Variants in WRN observed in about 807,000 individuals in gnomAD.
WRN encodes the protein bifunctional 3'-5' exonuclease/ATP-dependent helicase WRN.
WRN carries 149 observed loss-of-function variants against 180.7 expected under a neutral mutation model. The observed-to-expected ratio is 0.82, with a 90% CI of 0.72 to 0.94. WRN has a LOEUF of 0.94. WRN is among the 40% of genes least tolerant of loss of function. The pLI is 0.00. For synonymous variants in WRN, 548 were observed against 568.9 expected (o/e 0.96, Z 0.52); for missense variants, 1,661 against 1,700.1 (o/e 0.98, Z 0.40).
At chr8:31,157,560 T>G in intron 33 of WRN, 30 bp downstream of exon 33, 2 of 1,613,312 alleles carry the variant, frequency 1.2e-6, no homozygotes, top group Non-Finnish European at 8.5e-7. Context: ...TCTGCACCCT[T>G]AATGACTTGA....
intron 3 of WRN, 134 bp downstream of exon 3, chr8:31,059,399 T>C: frequency 1.4e-6 from 1 of 690,310 alleles, no homozygotes; most frequent in South Asian, 1.7e-5. Context: ...GTATACACTA[T>C]CACCAAGTTT....
intron 6 of WRN, 68 bp from the exon 7 acceptor site, chr8:31,068,190 A>C: frequency 8.5e-7 from 1 of 1,181,576 alleles, no homozygotes; most frequent in Non-Finnish European, 1.2e-6. Flanking sequence ...ATTTTTCTGA[A>C]GATGGGACTT....
intron 33 of WRN, among the ~76,000 whole-genome samples, chr8:31,161,694 C>A (rs928983898): frequency 6.6e-6 from 1 of 151,980 alleles, no homozygotes; most frequent in Non-Finnish European, 1.5e-5. Context: ...CAAAAATTAG[C>A]TGGGCGTGGT....
At chr8:31,055,440 T>A (rs2129986004) in intron 1 of WRN, among the ~76,000 whole-genome samples, 1 of 152,344 alleles carries the variant, frequency 6.6e-6, no homozygotes, top group Admixed American at 6.5e-5. Context: ...AACGCCATTC[T>A]GACTGGCATG....
In WRN at chr8:31,157,452, G is replaced by T. The variant is rs1563387318; in HGVS notation, c.3904G>T (p.Asp1302Tyr). Reference protein sequence around the residue: ...SQAVKAGCPLDLERAGLTPEV... With the variant: ...SQAVKAGCPLYLERAGLTPEV... ...AGCGGTGAAAGCTGGCTGCCCCCTT[G>T]ATTTGGAGCGAGCAGGCCTGACTCC... Residue 1302 changes from aspartate to tyrosine, a missense_variant, in exon 33 of 35, where the codon GAT becomes TAT. Around this residue, in one of 3 missense-constraint regions of WRN, gnomAD observed 1,141 missense variants for 1,149.4 expected, o/e 0.99. Transcript: ENST00000298139. 1.2e-6 allele frequency: 2 copies of T among 1,614,084 alleles called. No individual in the cohort carries two copies. The highest frequency in any genetic ancestry group is 1.7e-6 in the Non-Finnish European group (2 of 1,180,016).
chr8:31,153,528 C>T (rs1803226048), intron 31 of WRN, among the ~76,000 whole-genome samples: 1 of 152,136 alleles, frequency 6.6e-6, no homozygotes, highest in Non-Finnish European at 1.5e-5. Flanking sequence ...AACATGAAAT[C>T]TCCACTGCTA....
chr8:31,143,055 ATT>A (rs1491487292), intron 27 of WRN, among the ~76,000 whole-genome samples: 2,263 of 19,072 alleles, frequency 0.12, 56 homozygotes, highest in African/African-American at 0.21. Context: ...ACACACACAC[ATT>A]CTCTCTCTCT....
At chr8:31,080,067 G>A (rs1813240079) in intron 8 of WRN, among the ~76,000 whole-genome samples, 1 of 152,136 alleles carries the variant, frequency 6.6e-6, no homozygotes, top group Non-Finnish European at 1.5e-5. Flanking sequence ...TTTTAGTAGA[G>A]ACAGGGTTTT....
intron 24 of WRN, among the ~76,000 whole-genome samples, chr8:31,135,254 C>T (rs566994159): frequency 6.6e-6 from 1 of 151,964 alleles, no homozygotes; most frequent in Non-Finnish European, 1.5e-5. Flanking sequence ...TATGGGGTCT[C>T]CCCATGTTGC....
chr8:31,044,264 A>G (rs1444062563), intron 1 of WRN, among the ~76,000 whole-genome samples: 1 of 150,462 alleles, frequency 6.6e-6, no homozygotes, highest in Admixed American at 6.6e-5. Context: ...GATGGTCTCA[A>G]TCTCCTGACC....
intron 9 of WRN, among the ~76,000 whole-genome samples, chr8:31,082,757 C>T (rs1261619955): frequency 5.9e-5 from 9 of 151,890 alleles, no homozygotes; most frequent in Admixed American, 2.0e-4. Context: ...CCACCACACC[C>T]GGCTAATTTT....
intron 19 of WRN, among the ~76,000 whole-genome samples, chr8:31,112,831 A>G (rs566073834): frequency 6.6e-6 from 1 of 152,176 alleles, no homozygotes; most frequent in African/African-American, 2.4e-5. Flanking sequence ...CAAGTGATCC[A>G]CCTGTGTTGG....
chr8:31,058,170 C>T (rs1437049139), intron 1 of WRN, among the ~76,000 whole-genome samples: 1 of 152,094 alleles, frequency 6.6e-6, no homozygotes, highest in African/African-American at 2.4e-5. Context: ...TTCGAAACTA[C>T]CAGAATTATA....
intron 24 of WRN, among the ~76,000 whole-genome samples, chr8:31,140,128 G>T (rs1802563657): frequency 7.1e-6 from 1 of 141,140 alleles, no homozygotes; most frequent in African/African-American, 2.6e-5. Context: ...CGATTCTCCT[G>T]CCTCAGCTCC....
intron 1 of WRN, among the ~76,000 whole-genome samples, chr8:31,053,072 G>A (rs377272823): frequency 3.3e-5 from 5 of 152,174 alleles, no homozygotes; most frequent in African/African-American, 1.2e-4. Flanking sequence ...ATTCATTTCA[G>A]ATATGAATTC....
At chr8:31,161,330 G>A (rs1187127444) in intron 33 of WRN, among the ~76,000 whole-genome samples, 1 of 152,086 alleles carries the variant, frequency 6.6e-6, no homozygotes, top group Non-Finnish European at 1.5e-5. Context: ...GTGTTGTTGG[G>A]CGATTTCATT....
chr8:31,104,663 A>C (rs1801020036), intron 18 of WRN, among the ~76,000 whole-genome samples: 1 of 152,032 alleles, frequency 6.6e-6, no homozygotes, highest in African/African-American at 2.4e-5. Context: ...ATCCATTTTG[A>C]GTTAAATTTT....
At chr8:31,125,998 A>ATATATATATATATC (rs1267704813) in intron 23 of WRN, among the ~76,000 whole-genome samples, 24 of 145,444 alleles carry the variant, frequency 1.7e-4, no homozygotes, top group African/African-American at 6.1e-4. Flanking sequence ...ATATATATAT[A>ATATATATATATATC]TCTACTTAAC....
intron 1 of WRN, among the ~76,000 whole-genome samples, chr8:31,042,601 G>T (rs1276518304): frequency 6.6e-6 from 1 of 152,190 alleles, no homozygotes. Context: ...TCCTTCACCA[G>T]TGTTTTAGGT....
Sources: allele counts gnomAD v4.1 joint callset (sites outside exome capture counted in the v4.1 genomes callset), GRCh38; gene constraint gnomAD v4.1.1; regional missense constraint gnomAD v4.1.1; transcripts MANE v1.5; gene names NCBI Gene and HGNC (gene_info 2026-07-23, HGNC 2026-07-21).